The following BICC1 variants were observed in gnomAD, a reference collection of about 807,000 sequenced individuals.
BICC1 encodes the protein BicC family RNA binding protein 1, also known as protein bicaudal C homolog 1.
A neutral mutation model predicts 111.0 loss-of-function variants in BICC1; 43 were observed. The observed-to-expected ratio is 0.39, with a 90% CI of 0.30 to 0.50. The LOEUF is 0.50. Ranked by LOEUF, BICC1 falls within the 20% of genes least tolerant of loss-of-function variation. BICC1 has a pLI of 0.88. For missense variants in BICC1, 1,091 were observed against 1,203.2 expected (o/e 0.91, Z 1.38); for synonymous variants, 467 against 434.4 (o/e 1.07, Z -0.93).
At chr10:58,623,819 T>C (rs1340715173) in intron 2 of BICC1, among the ~76,000 whole-genome samples, 2 of 152,088 alleles carry the variant, frequency 1.3e-5, no homozygotes, top group African/African-American at 4.8e-5. Context: ...ACCTGTCACT[T>C]CCTCTCACAC....
intron 18 of BICC1, 173 bp downstream of exon 18, chr10:58,814,159 C>G: frequency 1.4e-6 from 1 of 735,798 alleles, no homozygotes; most frequent in Non-Finnish European, 2.4e-6. Flanking sequence ...CCACCTGGTT[C>G]TCTTTCCTCT....
At chr10:58,654,023 A>G (rs1472412114) in intron 2 of BICC1, among the ~76,000 whole-genome samples, 2 of 150,510 alleles carry the variant, frequency 1.3e-5, no homozygotes, top group Non-Finnish European at 3.0e-5. Flanking sequence ...ATCATTTTTT[A>G]TGGCTGCATA....
At chr10:58,816,051 T>C (rs1397472956) in intron 18 of BICC1, among the ~76,000 whole-genome samples, 1 of 152,202 alleles carries the variant, frequency 6.6e-6, no homozygotes, top group Non-Finnish European at 1.5e-5. Flanking sequence ...AATGTTTCCA[T>C]TTTCCTGGGC....
At position 58,529,895 on chromosome 10, in the gene BICC1, A is replaced by T. The variant is rs186106568; in HGVS notation, c.190+16562A>T. Among the ~76,000 whole-genome samples, 109 of 152,020 alleles carry T rather than the reference A, an allele frequency of 7.2e-4. No individual in the cohort carries two copies. In the Middle Eastern group the frequency reaches 0.01, roughly 14 times the overall value. On this transcript the variant is annotated intron_variant, in intron 1 of 20. Coordinates refer to ENST00000373886, the MANE Select transcript of BICC1 (RefSeq NM_001080512.3). ...AAAAACTGGGCTTTAGCAACAAAAC[A>T]TTATAAAAATGGATCTGGATTTTAA... is the stretch of plus-strand genomic sequence containing the variant.
intron 20 of BICC1, among the ~76,000 whole-genome samples, chr10:58,826,807 G>A (rs1422868633): frequency 6.6e-6 from 1 of 152,144 alleles, no homozygotes; most frequent in Non-Finnish European, 1.5e-5. Context: ...CAGACAGGAA[G>A]GGATAGGCTG....
intron 2 of BICC1, among the ~76,000 whole-genome samples, chr10:58,693,181 G>A (rs1420073804): frequency 6.6e-6 from 1 of 152,172 alleles, no homozygotes; most frequent in African/African-American, 2.4e-5. Context: ...CCCTACAAAG[G>A]ACGTGAACTC....
chr10:58,601,733 A>G (rs1260545940), intron 1 of BICC1, among the ~76,000 whole-genome samples: 3 of 152,096 alleles, frequency 2.0e-5, no homozygotes, highest in African/African-American at 4.8e-5. Flanking sequence ...TTATGATATT[A>G]CTGAATCTCA....
At position 58,601,170 on chromosome 10, in the gene BICC1, ATCT is replaced by A. The variant is rs1564506907; in HGVS notation, c.191-19684_191-19682del. ...TATATATATATATATATATATATAT[ATCT>A]CCCAATAAAATTTGGAAAATAAAAA... On this transcript the variant is annotated intron_variant, in intron 1 of 20. Transcript: ENST00000373886. Among the ~76,000 whole-genome samples, 437 of 136,414 alleles carry A rather than the reference ATCT, an allele frequency of 3.2e-3. 5 individuals are homozygous for A. Among genetic ancestry groups the A allele is most frequent in the East Asian group, 5.9e-3 (29 of 4,874 alleles). The allele number at this position is 136,414 out of a possible 152,430, so 89.5% of individuals were successfully genotyped here.
At chr10:58,529,767 C>A (rs1214202061) in intron 1 of BICC1, among the ~76,000 whole-genome samples, 1 of 151,646 alleles carries the variant, frequency 6.6e-6, no homozygotes, top group Non-Finnish European at 1.5e-5. Flanking sequence ...ACATTGTTGG[C>A]ACTTATTACG....
intron 3 of BICC1, among the ~76,000 whole-genome samples, chr10:58,740,664 T>G (rs1191543209): frequency 1.3e-5 from 2 of 152,198 alleles, no homozygotes; most frequent in South Asian, 2.1e-4. Flanking sequence ...TAACTCTTAT[T>G]CCCAAGTTTT....
chr10:58,762,387 T>C (rs1211120044), intron 3 of BICC1, among the ~76,000 whole-genome samples: 1 of 152,178 alleles, frequency 6.6e-6, no homozygotes, highest in Non-Finnish European at 1.5e-5. Context: ...TCAGATTTGC[T>C]GAGTACAGCA....
rs548667208 is a variant in BICC1, at chr10:58,605,951, C to T, written c.191-14904C>T. Among the ~76,000 whole-genome samples the T allele has an allele frequency of 6.6e-5, 10 of 152,272 alleles. No individual in the cohort carries two copies. In the South Asian group the frequency reaches 1.9e-3, roughly 28 times the overall value. On this transcript the variant is annotated intron_variant, in intron 1 of 20. Transcript: ENST00000373886. ...GTAATTGCCTTGTTCTTTTCTTCCC[C>T]CTTGGGTTTAATATTTTTTATACCT...
Position 58,516,446 on chromosome 10 carries a change from T to TA in BICC1, c.190+3118dup, listed in dbSNP as rs1446115541. ...TAAAACTTAAAAGAATTGTTGCAGATAAAAACCACCAGGCCAACAATGTAG... is the reference window on the plus strand; with the variant it reads ...TAAAACTTAAAAGAATTGTTGCAGATAAAAAACCACCAGGCCAACAATGTAG... On this transcript the variant is annotated intron_variant, in intron 1 of 20. Transcript: ENST00000373886. Among the ~76,000 whole-genome samples the TA allele has an allele frequency of 7.9e-5, 12 of 152,128 alleles. No homozygotes were observed. In the East Asian group the frequency reaches 2.3e-3, roughly 29 times the overall value.
rs138955348 is a variant in BICC1, at chr10:58,569,760, A to G, written c.191-51095A>G. The stretch of plus-strand genomic sequence containing the variant: ...GGCTGCATAGTATTCCACGGTGTAT[A>G]TGTGTCACATTTTCTTCATCCAGTC... On this transcript the variant is annotated intron_variant, in intron 1 of 20. Coordinates refer to ENST00000373886, the MANE Select transcript of BICC1 (RefSeq NM_001080512.3). 2.9e-4 allele frequency among the ~76,000 whole-genome samples: 44 copies of G among 152,270 alleles called. 1 individual carries two copies. The East Asian group carries it at 7.7e-3, about 27-fold the overall frequency.
intron 3 of BICC1, among the ~76,000 whole-genome samples, chr10:58,781,338 G>C (rs931534068): frequency 2.0e-5 from 3 of 152,168 alleles, no homozygotes; most frequent in Admixed American, 1.3e-4. Flanking sequence ...CTAAATTATA[G>C]GTGCCATCCG....
chr10:58,688,623 A>C (rs1839820281), intron 2 of BICC1, among the ~76,000 whole-genome samples: 2 of 152,310 alleles, frequency 1.3e-5, no homozygotes, highest in South Asian at 4.1e-4. Flanking sequence ...AAGACTTGTA[A>C]CCACCCGAAA....
intron 1 of BICC1, among the ~76,000 whole-genome samples, chr10:58,574,348 C>T (rs530278709): frequency 1.3e-5 from 2 of 152,102 alleles, no homozygotes; most frequent in Admixed American, 1.3e-4. Flanking sequence ...TAAGACTGTC[C>T]TGGAAAACCC....
At chr10:58,545,981 T>C (rs1843127957) in intron 1 of BICC1, among the ~76,000 whole-genome samples, 1 of 152,196 alleles carries the variant, frequency 6.6e-6, no homozygotes, top group Non-Finnish European at 1.5e-5. Context: ...AGAATATATC[T>C]ATTTATATCT....
intron 8 of BICC1, 93 bp downstream of exon 8, chr10:58,790,026 A>T: frequency 1.4e-6 from 2 of 1,410,250 alleles, no homozygotes; most frequent in Non-Finnish European, 1.9e-6. Context: ...GATATTTAGG[A>T]AAGCACTTCG....
Sources: gnomAD v4.1 joint callset for allele counts (sites outside exome capture counted in the v4.1 genomes callset) on GRCh38, gnomAD v4.1.1 for gene constraint, MANE v1.5 for transcripts, NCBI Gene and HGNC (gene_info 2026-07-23, HGNC 2026-07-21) for gene names.